The following PGM1 variants were observed in gnomAD, a reference collection of about 807,000 sequenced individuals.
The protein encoded by PGM1 is phosphoglucomutase-1.
A neutral mutation model predicts 55.6 loss-of-function variants in PGM1; 52 were observed. The observed-to-expected ratio is 0.94, with a 90% CI of 0.75 to 1.18. The LOEUF (loss-of-function observed/expected upper bound fraction) is 1.18. PGM1 is among the 50% of genes most tolerant of loss of function. The probability of loss-of-function intolerance (pLI) is 0.00; values close to 1 mark genes in which losing one functional copy is unlikely to be tolerated. For missense variants in PGM1, 724 were observed against 729.3 expected, an observed-to-expected ratio of 0.99 and a Z score of 0.08; for synonymous variants, 287 against 271.7, an observed-to-expected ratio of 1.06 and a Z score of -0.55.
intron 1 of PGM1, 78 bp downstream of exon 1, chr1:63,593,812 CG>C (rs1294043799): frequency 3.7e-6 from 5 of 1,344,800 alleles, no homozygotes; most frequent in East Asian, 6.3e-5. Flanking sequence ...CTCCCTCGCT[CG>C]GGGCCGGCCG....
chr1:63,646,857 A>G (rs1279453432), intron 7 of PGM1, among the ~76,000 whole-genome samples: 1 of 152,152 alleles, frequency 6.6e-6, no homozygotes, highest in Non-Finnish European at 1.5e-5. Context: ...GCCTATTGAT[A>G]TCCTTGGCCT....
At chr1:63,614,825 G>T (rs1648666975) in intron 1 of PGM1, among the ~76,000 whole-genome samples, 1 of 152,196 alleles carries the variant, frequency 6.6e-6, no homozygotes, top group South Asian at 2.1e-4. Context: ...TTGTTGTGAA[G>T]ATTAAATAAG....
At chr1:63,620,264 C>T (rs993733868) in intron 1 of PGM1, among the ~76,000 whole-genome samples, 2 of 152,178 alleles carry the variant, frequency 1.3e-5, no homozygotes, top group African/African-American at 4.8e-5. Flanking sequence ...GCATTTACTA[C>T]CTGCTTAGTT....
intron 6 of PGM1, among the ~76,000 whole-genome samples, chr1:63,637,214 A>C (rs1422345482): frequency 1.3e-5 from 2 of 152,246 alleles, no homozygotes; most frequent in Non-Finnish European, 2.9e-5. Context: ...TGTTGTAGAC[A>C]CTAAATATTT....
chr1:63,635,062 C>G (rs1240906416), intron 5 of PGM1, 43 bp downstream of exon 5: 2 of 1,540,642 alleles, frequency 1.3e-6, no homozygotes, highest in Admixed American at 1.7e-5. Flanking sequence ...GCAGGCCAGG[C>G]CTGATCCTGC....
chr1:63,648,815 A>G (rs1458074670), intron 8 of PGM1, among the ~76,000 whole-genome samples, 163 bp downstream of exon 8: 3 of 152,218 alleles, frequency 2.0e-5, no homozygotes, highest in Admixed American at 2.0e-4. Flanking sequence ...GGATGAAATG[A>G]AGTCAATTTT....
intron 1 of PGM1, among the ~76,000 whole-genome samples, chr1:63,601,314 A>G (rs1264868763): frequency 6.6e-6 from 1 of 152,344 alleles, no homozygotes; most frequent in East Asian, 1.9e-4. Context: ...TTTAAGACAG[A>G]TGAAGGAGTT....
At chr1:63,628,604 A>C (rs1431870659) in intron 1 of PGM1, among the ~76,000 whole-genome samples, 5 of 152,228 alleles carry the variant, frequency 3.3e-5, no homozygotes, top group Admixed American at 3.3e-4. Flanking sequence ...TTTAAGAGGA[A>C]CTGACAGCAC....
At position 63,615,424 on chromosome 1, in the gene PGM1, G is replaced by A. The variant is rs116399644; in HGVS notation, c.247-14001G>A. Reference sequence around the variant, plus strand: ...ATCGAAAAGGATGTTCCCTCTTTGTGGCCACCTTCTTTCATGTCCTTTACA... The same window carrying A: ...ATCGAAAAGGATGTTCCCTCTTTGTAGCCACCTTCTTTCATGTCCTTTACA... On this transcript the variant is annotated intron_variant, in intron 1 of 10. Transcript: ENST00000371084. Among the ~76,000 whole-genome samples the A allele has an allele frequency of 9.8e-3, 1,495 of 152,006 alleles. 11 individuals carry two copies. The highest frequency in any genetic ancestry group is 0.014 in the Non-Finnish European group (975 of 67,988).
intron 6 of PGM1, among the ~76,000 whole-genome samples, chr1:63,637,693 A>G (rs1649398769): frequency 6.6e-6 from 1 of 152,188 alleles, no homozygotes; most frequent in Non-Finnish European, 1.5e-5. Context: ...AGCTGGTTTG[A>G]GGTCACACTA....
In PGM1 at chr1:63,659,682, A is replaced by G. The variant is rs778099923; in HGVS notation, c.*7A>G. 6.2e-7 allele frequency: 1 copy of G among 1,607,188 alleles called. No homozygotes were observed. ...ACCCACTGTCATCACCTAAGAAGAC[A>G]GGCCTGATGTGGTACGTCCCTCCAC... On this transcript the variant is annotated 3_prime_UTR_variant, in exon 11 of 11. Transcript: ENST00000371084.
At chr1:63,631,886 A>C in intron 4 of PGM1, 104 bp downstream of exon 4, 1 of 1,134,898 alleles carries the variant, frequency 8.8e-7, no homozygotes, top group South Asian at 1.3e-5. Flanking sequence ...AGTCTCTCTG[A>C]TGGTTTTTAA....
At chr1:63,645,971 C>T (rs1209698959) in intron 7 of PGM1, among the ~76,000 whole-genome samples, 6 of 152,082 alleles carry the variant, frequency 3.9e-5, no homozygotes, top group Admixed American at 1.3e-4. Context: ...GGTTGAGACT[C>T]GAGGAGGCTG....
At chr1:63,659,546 G>T (rs751160976) in intron 10 of PGM1, 40 bp from the exon 11 acceptor site, 2 of 1,513,934 alleles carry the variant, frequency 1.3e-6, no homozygotes, top group East Asian at 4.5e-5. Flanking sequence ...TCTGTGTTTA[G>T]AGGAAGTGAT....
chr1:63,648,802 C>T, intron 8 of PGM1, 150 bp downstream of exon 8: 1 of 864,738 alleles, frequency 1.2e-6, no homozygotes, highest in Non-Finnish European at 1.9e-6. Context: ...ATAATCTGGT[C>T]AGGGATGAAA....
chr1:63,629,855 A>T, intron 2 of PGM1, 87 bp from the exon 3 acceptor site: 1 of 1,404,604 alleles, frequency 7.1e-7, no homozygotes, highest in Non-Finnish European at 1.0e-6. Context: ...TAGATGTGCT[A>T]GTGAAGAGGA....
chr1:63,612,069 C>T (rs1015161495), intron 1 of PGM1, among the ~76,000 whole-genome samples: 1 of 151,874 alleles, frequency 6.6e-6, no homozygotes, highest in African/African-American at 2.4e-5. Context: ...CCAGCCTGGC[C>T]AACATGGTGA....
intron 1 of PGM1, among the ~76,000 whole-genome samples, chr1:63,616,543 C>G (rs1219221060): frequency 6.6e-6 from 1 of 152,222 alleles, no homozygotes; most frequent in Non-Finnish European, 1.5e-5. Flanking sequence ...CCTTCTGCAC[C>G]AAAAGTTTCT....
intron 1 of PGM1, among the ~76,000 whole-genome samples, chr1:63,607,584 A>G (rs1648456174): frequency 6.6e-6 from 1 of 152,226 alleles, no homozygotes; most frequent in Non-Finnish European, 1.5e-5. Flanking sequence ...CTCTCTGTCC[A>G]CAGCAGACCA....
Sources: gnomAD v4.1 joint callset for allele counts (sites outside exome capture counted in the v4.1 genomes callset) on GRCh38, gnomAD v4.1.1 for gene constraint, MANE v1.5 for transcripts, NCBI Gene and HGNC (gene_info 2026-07-23, HGNC 2026-07-21) for gene names.